The following NAALADL2 variants were observed in gnomAD, a reference collection of about 807,000 sequenced individuals.
NAALADL2 encodes N-acetylated alpha-linked acidic dipeptidase like 2.
Under a neutral mutation model 87.2 loss-of-function variants are expected in NAALADL2, and 76 were observed. The observed-to-expected ratio is 0.87, with a 90% CI of 0.72 to 1.05. The LOEUF is 1.05. NAALADL2 is among the 50% of genes least tolerant of loss of function. The probability of loss-of-function intolerance (pLI) is 0.00; values close to 1 mark genes in which losing one functional copy is unlikely to be tolerated. For synonymous variants in NAALADL2, 354 were observed against 331.0 expected (o/e 1.07, Z -0.75); for missense variants, 1,089 against 945.8 (o/e 1.15, Z -1.99).
intron 5 of NAALADL2, among the ~76,000 whole-genome samples, chr3:175,360,769 G>A (rs1316044276): frequency 6.6e-6 from 1 of 151,022 alleles, no homozygotes; most frequent in Non-Finnish European, 1.5e-5. Context: ...AGCTCTCAGG[G>A]TATGTTAATT....
chr3:175,738,934 A>G (rs74618391), intron 12 of NAALADL2, among the ~76,000 whole-genome samples: 61 of 152,230 alleles, frequency 4.0e-4, no homozygotes, highest in African/African-American at 1.3e-3. Flanking sequence ...ATTTTTTTAA[A>G]CAGTAATTTT....
chr3:175,452,515 G>C (rs1721732287), intron 6 of NAALADL2, among the ~76,000 whole-genome samples: 1 of 152,108 alleles, frequency 6.6e-6, no homozygotes, highest in Non-Finnish European at 1.5e-5. Flanking sequence ...ATATTCAAAA[G>C]AAATGGGGAA....
At chr3:175,737,713 A>ATTTTT in intron 12 of NAALADL2, among the ~76,000 whole-genome samples, 1 of 75,498 alleles carries the variant, frequency 1.3e-5, no homozygotes, top group Non-Finnish European at 2.6e-5. Context: ...TCAATGATCC[A>ATTTTT]GTTTTTTTTT....
chr3:175,461,647 A>G (rs144656326), intron 6 of NAALADL2, among the ~76,000 whole-genome samples: 2 of 152,332 alleles, frequency 1.3e-5, no homozygotes, highest in African/African-American at 4.8e-5. Context: ...CAGTATACAT[A>G]TTGTGACGTT....
intron 1 of NAALADL2, among the ~76,000 whole-genome samples, chr3:175,047,484 G>T (rs746718200): frequency 5.3e-5 from 8 of 151,644 alleles, no homozygotes; most frequent in African/African-American, 1.9e-4. Flanking sequence ...TTACACTAGG[G>T]GATTTTCTGA....
chr3:174,948,595 A>G lies in NAALADL2; in HGVS notation c.43+89145A>G, dbSNP rs186543019. Among the ~76,000 whole-genome samples the G allele has an allele frequency of 2.4e-3, 365 of 152,316 alleles. 2 individuals carry two copies. Among genetic ancestry groups the G allele is most frequent in the African/African-American group, 8.5e-3 (353 of 41,574 alleles). ...TCTTCCTAAAACTGAGTGTCACAAC[A>G]CAGTCATTTTATTATCTTTCATGGC... On this transcript the variant is annotated intron_variant, in intron 1 of 13. Transcript: ENST00000454872.
intron 1 of NAALADL2, among the ~76,000 whole-genome samples, chr3:175,056,298 T>A (rs1210900644): frequency 6.6e-6 from 1 of 152,142 alleles, no homozygotes; most frequent in Non-Finnish European, 1.5e-5. Context: ...TTCCTTCTTA[T>A]CATTAGTGTG....
intron 11 of NAALADL2, among the ~76,000 whole-genome samples, chr3:175,709,591 G>A (rs77784989): frequency 0.051 from 7,752 of 152,186 alleles, 239 homozygotes; most frequent in African/African-American, 0.085. Flanking sequence ...TAAAGAAAGC[G>A]TATTACGCTG....
chr3:174,708,867 T>A (rs1433284025), intron 2 of NAALADL2, among the ~76,000 whole-genome samples: 2 of 152,176 alleles, frequency 1.3e-5, no homozygotes, highest in Non-Finnish European at 2.9e-5. Flanking sequence ...TAAATTTTCA[T>A]TCCAGTGGGT....
At chr3:174,942,823 T>G (rs1396751758) in intron 1 of NAALADL2, among the ~76,000 whole-genome samples, 3 of 152,224 alleles carry the variant, frequency 2.0e-5, no homozygotes, top group African/African-American at 7.2e-5. Flanking sequence ...GCTTGGTTTA[T>G]TCTGCTAATA....
chr3:175,453,940 C>T (rs1040543776), intron 6 of NAALADL2, among the ~76,000 whole-genome samples: 5 of 151,976 alleles, frequency 3.3e-5, no homozygotes, highest in Non-Finnish European at 5.9e-5. Flanking sequence ...TCATACCTTC[C>T]GGAATAGCTG....
chr3:175,024,948 A>G (rs938683130), intron 1 of NAALADL2, among the ~76,000 whole-genome samples: 6 of 152,138 alleles, frequency 3.9e-5, no homozygotes, highest in African/African-American at 1.4e-4. Flanking sequence ...CATGTATAAA[A>G]TGTTTATTAG....
At position 175,805,427 on chromosome 3, in the gene NAALADL2, A is replaced by G. The variant is rs1293291624; in HGVS notation, c.*2224A>G. The stretch of plus-strand genomic sequence containing the variant: ...GTTAACTATGGTTTTTTATTAGTCT[A>G]TTAAAAGATACGTGGAGATATTAAA... On this transcript the variant is annotated 3_prime_UTR_variant, in exon 14 of 14. Transcript: ENST00000454872. 6.6e-6 allele frequency: 1 copy of G among 151,870 alleles called. No homozygotes were observed. The highest frequency in any genetic ancestry group is 2.4e-5 in the African/African-American group (1 of 41,408). The allele number at this position is 151,870 out of a possible 1,614,324, so 9.4% of individuals were successfully genotyped here.
intron 2 of NAALADL2, among the ~76,000 whole-genome samples, chr3:175,133,591 G>C (rs189599808): frequency 6.6e-6 from 1 of 152,150 alleles, no homozygotes; most frequent in South Asian, 2.1e-4. Flanking sequence ...GCGTGGCGGC[G>C]CGCGCCTGCA....
At chr3:174,973,767 A>G (rs757628033) in intron 1 of NAALADL2, among the ~76,000 whole-genome samples, 1 of 152,194 alleles carries the variant, frequency 6.6e-6, no homozygotes, top group East Asian at 1.9e-4. Flanking sequence ...ACTGTAGACA[A>G]TTTTAATATA....
chr3:175,070,675 C>T (rs1416004973), intron 1 of NAALADL2, among the ~76,000 whole-genome samples: 2 of 151,912 alleles, frequency 1.3e-5, no homozygotes, highest in Admixed American at 1.3e-4. Context: ...TTTTAATAGA[C>T]TTATATTATT....
At chr3:175,075,331 CTTA>C (rs142492691) in intron 1 of NAALADL2, among the ~76,000 whole-genome samples, 3,737 of 152,136 alleles carry the variant, frequency 0.025, 133 homozygotes, top group African/African-American at 0.085. Context: ...TTATGCAAAG[CTTA>C]TTATGTTGTT....
At chr3:174,827,116 T>C (rs548298607) in intron 3 of NAALADL2, among the ~76,000 whole-genome samples, 16 of 152,358 alleles carry the variant, frequency 1.1e-4, no homozygotes, top group African/African-American at 3.4e-4. Context: ...GAAGATATCA[T>C]GACTTTTCTT....
intron 12 of NAALADL2, among the ~76,000 whole-genome samples, chr3:175,753,219 T>C (rs981881567): frequency 1.3e-5 from 2 of 152,170 alleles, no homozygotes; most frequent in Admixed American, 6.5e-5. Context: ...CATATTAGCC[T>C]CAAGCATTAT....
Sources: gnomAD v4.1 joint callset for allele counts (sites outside exome capture counted in the v4.1 genomes callset) on GRCh38, gnomAD v4.1.1 for gene constraint, MANE v1.5 for transcripts, NCBI Gene and HGNC (gene_info 2026-07-23, HGNC 2026-07-21) for gene names.